OR51B5: variants seen among roughly 807,000 people sequenced by gnomAD.
OR51B5 encodes olfactory receptor family 51 subfamily B member 5, also known as olfactory receptor 51B5.
For synonymous variants in OR51B5, 186 were observed against 144.8 expected (o/e 1.28, Z -2.04); for missense variants, 456 against 374.6 (o/e 1.22, Z -1.79).
chr11:5,346,183 A>ATGAT (rs1208862737), upstream of OR51B5: 2 of 152,002 alleles, frequency 1.3e-5, no homozygotes, highest in African/African-American at 2.4e-5. Context: ...CTGTAAGGCA[A>ATGAT]TGATTGTATT....
At chr11:5,344,248 A>G (rs886882435), upstream of OR51B5, among the ~76,000 whole-genome samples, 15 of 152,230 alleles carry the variant, frequency 9.9e-5, no homozygotes, top group African/African-American at 3.4e-4. Flanking sequence ...GCTGGAATAA[A>G]TGATTAGGCC....
Position 5,454,266 on chromosome 11 carries a change from A to C in OR51B5, n.84+51303T>G, listed in dbSNP as rs202061771. 5.8e-5 allele frequency: 93 copies of C among 1,614,096 alleles called. No individual in the cohort carries two copies. Among genetic ancestry groups the C allele is most frequent in the Non-Finnish European group, 7.4e-5 (87 of 1,180,032 alleles). The stretch of plus-strand genomic sequence containing the variant: ...TTATGTGCCAATGATTGGGGTCTCC[A>C]CAGTGCACCGCTTTGGGAAGCATGT... On this transcript the variant is annotated intron_variant and non_coding_transcript_variant, in intron 1 of 4. Transcript: ENST00000415970.
At chr11:5,479,622 A>T (rs1851382143) in intron 1 of OR51B5, among the ~76,000 whole-genome samples, 1 of 152,106 alleles carries the variant, frequency 6.6e-6, no homozygotes, top group Admixed American at 6.6e-5. Flanking sequence ...AATCCATCTC[A>T]TGTGCAGAGA....
At chr11:5,479,457 C>T (rs1460047582) in intron 1 of OR51B5, among the ~76,000 whole-genome samples, 117 of 151,324 alleles carry the variant, frequency 7.7e-4, no homozygotes, top group Middle Eastern at 6.8e-3. Context: ...CATCAACTAA[C>T]GAGCAAAATC....
chr11:5,351,942 G>A (rs1440843569), intron 1 of OR51B5: 3 of 1,612,832 alleles, frequency 1.9e-6, no homozygotes, highest in Admixed American at 1.7e-5. Context: ...TTGGTGTGCG[G>A]GTATTGACAA....
Position 5,440,837 on chromosome 11 carries a change from G to C in OR51B5, n.84+64732C>G, listed in dbSNP as rs763955626. 7.4e-6 allele frequency: 12 copies of C among 1,613,672 alleles called. No individual in the cohort carries two copies. The Middle Eastern group carries it at 6.6e-4, about 88-fold the overall frequency. ...GTTCCTGGGATATGATGACCAGCAT[G>C]GCTCTCAGGATCAATGCGTAGGAAA... On this transcript the variant is annotated intron_variant and non_coding_transcript_variant, in intron 1 of 4. Transcript: ENST00000415970.
rs1179768171 is a variant in OR51B5 at position 5,481,477 on chromosome 11, C to T, written n.84+24092G>A. Among the ~76,000 whole-genome samples the T allele has an allele frequency of 1.2e-4, 16 of 135,144 alleles. 1 individual carries two copies. The highest frequency in any genetic ancestry group is 4.4e-4 in the African/African-American group (15 of 33,848). 88.7% of individuals were successfully genotyped at this position (135,144 alleles called of 152,430 possible). A position where few individuals can be genotyped will look rare whatever the true frequency, so the allele number is the denominator to read the frequency against. On this transcript the variant is annotated intron_variant and non_coding_transcript_variant, in intron 1 of 4. Transcript: ENST00000415970. ...ACAGGGATGCCCTCTCTCACCACTC[C>T]TATTCAACATAGTGTTGGAAGTTCT...
At chr11:5,487,868 T>C (rs750338103) in intron 1 of OR51B5, among the ~76,000 whole-genome samples, 2 of 152,170 alleles carry the variant, frequency 1.3e-5, no homozygotes, top group Non-Finnish European at 2.9e-5. Flanking sequence ...TTCCTTCTGG[T>C]ATACCCATGT....
At chr11:5,465,685 C>A (rs1427596955) in intron 1 of OR51B5, among the ~76,000 whole-genome samples, 1 of 141,994 alleles carries the variant, frequency 7.0e-6, no homozygotes, top group African/African-American at 2.6e-5. Flanking sequence ...TTTGACAAAC[C>A]TGAGAAAAAC....
intron 1 of OR51B5, among the ~76,000 whole-genome samples, chr11:5,475,269 G>T (rs1851286478): frequency 6.6e-6 from 1 of 152,014 alleles, no homozygotes; most frequent in South Asian, 2.1e-4. Flanking sequence ...CACTCATATT[G>T]CCTGTAAAAC....
intron 1 of OR51B5, among the ~76,000 whole-genome samples, chr11:5,375,064 T>A (rs1000406044): frequency 1.3e-5 from 2 of 150,654 alleles, no homozygotes; most frequent in African/African-American, 4.9e-5. Flanking sequence ...AAGGAAAAAA[T>A]GTTAAGGGCA....
At chr11:5,443,037 C>T (rs993771256) in intron 1 of OR51B5, among the ~76,000 whole-genome samples, 12 of 152,070 alleles carry the variant, frequency 7.9e-5, no homozygotes, top group African/African-American at 2.9e-4. Flanking sequence ...AGCCTAACTT[C>T]AGGCAAAATA....
At chr11:5,426,919 T>A (rs1410064779) in intron 1 of OR51B5, among the ~76,000 whole-genome samples, 1 of 152,212 alleles carries the variant, frequency 6.6e-6, no homozygotes, top group African/African-American at 2.4e-5. Context: ...CACATCCAGA[T>A]AAACTTTCCA....
chr11:5,465,521 C>G (rs1270824870), intron 1 of OR51B5, among the ~76,000 whole-genome samples: 5 of 151,484 alleles, frequency 3.3e-5, no homozygotes, highest in Non-Finnish European at 5.9e-5. Flanking sequence ...GCCAAAAGAA[C>G]AAAGCTGGAG....
chr11:5,411,030 A>G (rs1850141856), intron 1 of OR51B5, among the ~76,000 whole-genome samples: 1 of 152,212 alleles, frequency 6.6e-6, no homozygotes, highest in South Asian at 2.1e-4. Context: ...GAAGAAAGAA[A>G]ACTATTTTTT....
chr11:5,362,667 TC>T, intron 1 of OR51B5: 2 of 204,002 alleles, frequency 9.8e-6, no homozygotes, highest in Non-Finnish European at 1.1e-5. Context: ...CCAGCTGTCT[TC>T]CCCCATCTGA....
At chr11:5,368,295 C>T (rs771190602) in intron 1 of OR51B5, among the ~76,000 whole-genome samples, 8 of 152,148 alleles carry the variant, frequency 5.3e-5, no homozygotes, top group Admixed American at 2.0e-4. Context: ...TTATTGGCTG[C>T]GTACCCTATA....
intron 1 of OR51B5, among the ~76,000 whole-genome samples, chr11:5,401,789 A>C (rs1368691565): frequency 6.6e-6 from 1 of 150,690 alleles, no homozygotes; most frequent in Non-Finnish European, 1.5e-5. Context: ...GGTGCACTAC[A>C]CCTTAAATGC....
intron 1 of OR51B5, among the ~76,000 whole-genome samples, chr11:5,447,560 CTTA>C (rs746664191): frequency 2.0e-5 from 3 of 151,946 alleles, no homozygotes; most frequent in Non-Finnish European, 1.5e-5. Context: ...TTTTTTTGTA[CTTA>C]TTATTATGTT....
Sources: allele counts gnomAD v4.1 joint callset (sites outside exome capture counted in the v4.1 genomes callset), GRCh38; gene constraint gnomAD v4.1.1; transcripts MANE v1.5; gene names NCBI Gene and HGNC (gene_info 2026-07-23, HGNC 2026-07-21).